The following GSG1L variants were observed in gnomAD, a reference collection of about 807,000 sequenced individuals.
GSG1L encodes the protein germ cell-specific gene 1-like protein.
In GSG1L, 24 loss-of-function variants were observed where a neutral mutation model predicts 42.1. That is an observed-to-expected ratio of 0.57 (90% CI 0.41 to 0.80). The LOEUF (loss-of-function observed/expected upper bound fraction) is 0.80, where lower values mean the gene tolerates loss of function less well. GSG1L is among the 30% of genes least tolerant of loss of function. The pLI is 0.00. For missense variants in GSG1L, 445 were observed against 472.2 expected, an observed-to-expected ratio of 0.94 and a Z score of 0.53; for synonymous variants, 215 against 203.5, an observed-to-expected ratio of 1.06 and a Z score of -0.48.
At chr16:27,963,680 C>T (rs2085095913) in intron 1 of GSG1L, among the ~76,000 whole-genome samples, 1 of 152,210 alleles carries the variant, frequency 6.6e-6, no homozygotes, top group Non-Finnish European at 1.5e-5. Context: ...GGACCCAGAA[C>T]AGGCCTTGAC....
chr16:27,958,281 T>C (rs2085029298), intron 2 of GSG1L, among the ~76,000 whole-genome samples: 1 of 151,806 alleles, frequency 6.6e-6, no homozygotes, highest in African/African-American at 2.4e-5. Flanking sequence ...GGTAGGTGCC[T>C]GTAATCCCAG....
At chr16:27,965,561 C>A (rs917424392) in intron 1 of GSG1L, among the ~76,000 whole-genome samples, 3 of 152,226 alleles carry the variant, frequency 2.0e-5, no homozygotes, top group Non-Finnish European at 2.9e-5. Flanking sequence ...TTTCCCCCAG[C>A]AAGCTGCAAG....
chr16:27,860,103 A>C (rs1326635769), intron 3 of GSG1L, among the ~76,000 whole-genome samples: 3 of 152,124 alleles, frequency 2.0e-5, no homozygotes, highest in African/African-American at 7.2e-5. Flanking sequence ...ATTAAGGCTT[A>C]ACTGGTTTTG....
chr16:27,861,579 CATTGGAAACACCCTGAAAGTCT>C (rs2083652587), intron 3 of GSG1L, among the ~76,000 whole-genome samples: 1 of 152,124 alleles, frequency 6.6e-6, no homozygotes. Context: ...TATAGCAGAG[CATTGGAAACACCCTGAAAGTCT>C]ACCAGTAGTG....
intron 2 of GSG1L, among the ~76,000 whole-genome samples, chr16:27,902,763 C>G (rs1321348233): frequency 6.6e-6 from 1 of 152,194 alleles, no homozygotes; most frequent in Admixed American, 6.5e-5. Flanking sequence ...TCTTGGTTTT[C>G]TCATCTGTAA....
At chr16:27,967,871 C>T (rs528767426) in intron 1 of GSG1L, among the ~76,000 whole-genome samples, 42 of 152,246 alleles carry the variant, frequency 2.8e-4, no homozygotes, top group Non-Finnish European at 4.9e-4. Context: ...AGAGATCGCA[C>T]CACTGCAGTC....
At chr16:27,950,887 C>T (rs75508886) in intron 2 of GSG1L, among the ~76,000 whole-genome samples, 1,648 of 152,254 alleles carry the variant, frequency 0.011, 35 homozygotes, top group African/African-American at 0.037. Flanking sequence ...TCCAACATGG[C>T]GCTCCTCCAC....
intron 2 of GSG1L, among the ~76,000 whole-genome samples, chr16:27,939,766 G>C (rs926326048): frequency 6.6e-6 from 1 of 152,202 alleles, no homozygotes; most frequent in African/African-American, 2.4e-5. Flanking sequence ...GAATATGACA[G>C]AGACTTCATG....
chr16:27,899,321 G>T (rs2084229213), intron 2 of GSG1L, among the ~76,000 whole-genome samples: 1 of 152,234 alleles, frequency 6.6e-6, no homozygotes, highest in African/African-American at 2.4e-5. Flanking sequence ...AACCCCGGCT[G>T]TGCTAGGGAC....
chr16:28,041,123 C>A (rs1289122693), intron 1 of GSG1L, among the ~76,000 whole-genome samples: 2 of 152,134 alleles, frequency 1.3e-5, no homozygotes, highest in Non-Finnish European at 2.9e-5. Context: ...CCCAGTGTAT[C>A]CTCTTTGATC....
intron 5 of GSG1L, 58 bp downstream of exon 5, chr16:27,828,730 GC>G: frequency 6.5e-7 from 1 of 1,537,164 alleles, no homozygotes; most frequent in Non-Finnish European, 8.9e-7. Context: ...GGCCACTGAG[GC>G]CAGGCCGTGG....
At chr16:27,848,617 C>T (rs2083469222) in intron 3 of GSG1L, among the ~76,000 whole-genome samples, 1 of 152,072 alleles carries the variant, frequency 6.6e-6, no homozygotes, top group South Asian at 2.1e-4. Context: ...GTGGAGGCAG[C>T]CAGACAATTA....
chr16:28,005,550 A>G (rs1001788785), intron 1 of GSG1L, among the ~76,000 whole-genome samples: 1 of 152,130 alleles, frequency 6.6e-6, no homozygotes, highest in African/African-American at 2.4e-5. Flanking sequence ...ATTTATGTCT[A>G]TAAAAACGTT....
At chr16:28,055,079 C>A (rs1291060320) in intron 1 of GSG1L, among the ~76,000 whole-genome samples, 9 of 152,184 alleles carry the variant, frequency 5.9e-5, no homozygotes, top group Non-Finnish European at 1.3e-4. Context: ...GAAGGTCCAG[C>A]CTCCAGGAGC....
At chr16:27,813,584 C>G (rs1333447140) in intron 5 of GSG1L, among the ~76,000 whole-genome samples, 1 of 152,234 alleles carries the variant, frequency 6.6e-6, no homozygotes, top group Non-Finnish European at 1.5e-5. Context: ...GCCCATCTTT[C>G]TATGACGCAG....
At chr16:27,881,224 T>C (rs990248694) in intron 3 of GSG1L, among the ~76,000 whole-genome samples, 3 of 150,358 alleles carry the variant, frequency 2.0e-5, no homozygotes, top group African/African-American at 7.3e-5. Context: ...GTGGAAACTT[T>C]AATAAGTATC....
At chr16:27,841,971 C>T (rs1461944421) in intron 4 of GSG1L, among the ~76,000 whole-genome samples, 1 of 152,196 alleles carries the variant, frequency 6.6e-6, no homozygotes, top group Non-Finnish European at 1.5e-5. Context: ...TTCTGATTCT[C>T]AGCATCTGCA....
intron 1 of GSG1L, among the ~76,000 whole-genome samples, chr16:27,983,830 T>A (rs2085350917): frequency 6.6e-6 from 1 of 152,180 alleles, no homozygotes; most frequent in Non-Finnish European, 1.5e-5. Flanking sequence ...CCCATGATTA[T>A]CTGCATCTCA....
intron 2 of GSG1L, among the ~76,000 whole-genome samples, chr16:27,897,730 G>A (rs761874406): frequency 1.3e-5 from 2 of 152,112 alleles, no homozygotes; most frequent in Non-Finnish European, 1.5e-5. Flanking sequence ...GAGATACCTC[G>A]CTGTGGTGGG....
Sources: gnomAD v4.1 joint callset for allele counts (sites outside exome capture counted in the v4.1 genomes callset) on GRCh38, gnomAD v4.1.1 for gene constraint, MANE v1.5 for transcripts, NCBI Gene and HGNC (gene_info 2026-07-23, HGNC 2026-07-21) for gene names.